The following GALNTL6 variants were observed in gnomAD, a reference collection of about 807,000 sequenced individuals.
GALNTL6 encodes polypeptide N-acetylgalactosaminyltransferase like 6.
Under a neutral mutation model 73.7 loss-of-function variants are expected in GALNTL6, and 46 were observed. The observed-to-expected ratio is 0.62, with a 90% CI of 0.49 to 0.80. GALNTL6 has a LOEUF of 0.80. GALNTL6 is among the 30% of genes least tolerant of loss of function. The pLI, the probability that GALNTL6 is intolerant of heterozygous loss-of-function variation, is 0.00. For synonymous variants in GALNTL6, 259 were observed against 263.7 expected (o/e 0.98, Z 0.17); for missense variants, 604 against 755.0 (o/e 0.80, Z 2.34).
chr4:171,881,337 G>A (rs1313394660), intron 2 of GALNTL6, among the ~76,000 whole-genome samples: 1 of 152,084 alleles, frequency 6.6e-6, no homozygotes, highest in Non-Finnish European at 1.5e-5. Flanking sequence ...ATATGGTATG[G>A]CTCTGTGTCT....
chr4:172,740,808 C>A (rs958819431), intron 5 of GALNTL6, among the ~76,000 whole-genome samples: 1 of 151,962 alleles, frequency 6.6e-6, no homozygotes, highest in Admixed American at 6.6e-5. Flanking sequence ...TGTGATGTGG[C>A]TAATGAAGAA....
intron 7 of GALNTL6, among the ~76,000 whole-genome samples, chr4:172,877,433 T>TG (rs760194058): frequency 2.0e-5 from 3 of 152,066 alleles, no homozygotes; most frequent in Non-Finnish European, 4.4e-5. Flanking sequence ...TACTGTATCT[T>TG]GGTTTAGAGA....
At chr4:171,900,411 G>T (rs769453506) in intron 2 of GALNTL6, among the ~76,000 whole-genome samples, 21 of 152,042 alleles carry the variant, frequency 1.4e-4, no homozygotes, top group Middle Eastern at 3.4e-3. Flanking sequence ...AGGTTCAAGC[G>T]ATTTTCCTGC....
intron 5 of GALNTL6, among the ~76,000 whole-genome samples, chr4:172,619,956 G>A (rs1738890410): frequency 6.6e-6 from 1 of 152,140 alleles, no homozygotes; most frequent in East Asian, 1.9e-4. Context: ...TACTTTCCAA[G>A]AGGCATATCT....
At chr4:171,896,832 C>T (rs1736931417) in intron 2 of GALNTL6, among the ~76,000 whole-genome samples, 1 of 152,054 alleles carries the variant, frequency 6.6e-6, no homozygotes, top group Non-Finnish European at 1.5e-5. Context: ...ATCTATTATA[C>T]AACCAATAGG....
intron 2 of GALNTL6, among the ~76,000 whole-genome samples, chr4:171,969,654 A>T (rs1372552940): frequency 1.3e-5 from 2 of 152,224 alleles, no homozygotes; most frequent in Non-Finnish European, 2.9e-5. Flanking sequence ...AAATGCCCTT[A>T]AAAACTAGTC....
At chr4:172,761,679 C>CTCTCTCTCTCTCCCTCTCTT in intron 5 of GALNTL6, among the ~76,000 whole-genome samples, 1 of 151,480 alleles carries the variant, frequency 6.6e-6, no homozygotes, top group Admixed American at 6.6e-5. Context: ...TTCTCTCTCT[C>CTCTCTCTCTCTCCCTCTCTT]TCTCTCTCTC....
chr4:172,885,664 C>T (rs1014361890), intron 8 of GALNTL6, among the ~76,000 whole-genome samples: 1 of 152,102 alleles, frequency 6.6e-6, no homozygotes, highest in Non-Finnish European at 1.5e-5. Context: ...TTCAATTTTC[C>T]CCCTTTCAGT....
intron 3 of GALNTL6, among the ~76,000 whole-genome samples, chr4:172,272,019 C>T (rs2111059614): frequency 6.6e-6 from 1 of 151,994 alleles, no homozygotes; most frequent in East Asian, 1.9e-4. Context: ...GTGGCATGAC[C>T]TTGGCTCACT....
At chr4:172,067,432 C>T (rs1213109686) in intron 2 of GALNTL6, among the ~76,000 whole-genome samples, 1 of 151,984 alleles carries the variant, frequency 6.6e-6, no homozygotes, top group Admixed American at 6.6e-5. Flanking sequence ...AAACGACTCT[C>T]GAATTTGCAA....
chr4:172,911,098 T>A (rs563756503), intron 8 of GALNTL6, among the ~76,000 whole-genome samples: 17 of 152,358 alleles, frequency 1.1e-4, no homozygotes, highest in African/African-American at 4.1e-4. Flanking sequence ...ATAAGCATTT[T>A]CACTTTCTCC....
At chr4:172,884,614 T>G (rs1745626479) in intron 8 of GALNTL6, among the ~76,000 whole-genome samples, 1 of 152,178 alleles carries the variant, frequency 6.6e-6, no homozygotes, top group Non-Finnish European at 1.5e-5. Context: ...CTACAGAAAC[T>G]TTCTAGCTTG....
intron 5 of GALNTL6, among the ~76,000 whole-genome samples, chr4:172,470,411 C>T (rs569937751): frequency 6.6e-6 from 1 of 152,282 alleles, no homozygotes; most frequent in East Asian, 1.9e-4. Context: ...TCTTCACCAT[C>T]ATAATGTGTA....
At chr4:172,895,707 A>G (rs1027531813) in intron 8 of GALNTL6, among the ~76,000 whole-genome samples, 2 of 152,070 alleles carry the variant, frequency 1.3e-5, no homozygotes, top group African/African-American at 4.8e-5. Flanking sequence ...AACAAACTTT[A>G]TGTTCATTTG....
intron 3 of GALNTL6, among the ~76,000 whole-genome samples, chr4:172,256,265 A>G (rs1442190958): frequency 6.6e-6 from 1 of 151,318 alleles, no homozygotes; most frequent in African/African-American, 2.4e-5. Flanking sequence ...ACTACATAGT[A>G]AATGTATACA....
intron 5 of GALNTL6, among the ~76,000 whole-genome samples, chr4:172,731,315 T>C (rs1736137857): frequency 1.3e-5 from 2 of 152,150 alleles, no homozygotes; most frequent in East Asian, 3.9e-4. Context: ...ATCCATTTCT[T>C]CTAGTTTTTT....
intron 2 of GALNTL6, among the ~76,000 whole-genome samples, chr4:171,945,371 A>G (rs1228016751): frequency 6.6e-6 from 1 of 152,070 alleles, no homozygotes; most frequent in East Asian, 1.9e-4. Flanking sequence ...TTTTTCTCAA[A>G]GTTTTTAAGG....
At chr4:172,727,968 A>G (rs1735920590) in intron 5 of GALNTL6, among the ~76,000 whole-genome samples, 1 of 151,978 alleles carries the variant, frequency 6.6e-6, no homozygotes, top group East Asian at 1.9e-4. Flanking sequence ...GCTGGAGTGC[A>G]GTGGCGGGAT....
At chr4:172,617,734 G>A (rs1304776590) in intron 5 of GALNTL6, among the ~76,000 whole-genome samples, 1 of 152,052 alleles carries the variant, frequency 6.6e-6, no homozygotes, top group African/African-American at 2.4e-5. Flanking sequence ...ACCCGCCTCG[G>A]CCTCCCTAAG....
Sources: allele counts gnomAD v4.1 joint callset (sites outside exome capture counted in the v4.1 genomes callset), GRCh38; gene constraint gnomAD v4.1.1; transcripts MANE v1.5; gene names NCBI Gene and HGNC (gene_info 2026-07-23, HGNC 2026-07-21).